The following RBFOX1 variants were observed in gnomAD, a reference collection of about 807,000 sequenced individuals.
RBFOX1 encodes the protein RNA binding fox-1 homolog 1, also known as RNA binding protein fox-1 homolog 1.
RBFOX1 carries 8 observed loss-of-function variants against 57.7 expected under a neutral mutation model. The observed-to-expected ratio is 0.14, with a 90% CI of 0.08 to 0.25. The LOEUF (loss-of-function observed/expected upper bound fraction) is 0.25. RBFOX1 is among the 10% of genes least tolerant of loss of function. The pLI is 1.00. For missense variants in RBFOX1, 611 were observed against 548.5 expected, an observed-to-expected ratio of 1.11 and a Z score of -1.14; for synonymous variants, 326 against 222.4, an observed-to-expected ratio of 1.47 and a Z score of -4.15.
At chr16:5,709,858 T>A (rs1394604152) in intron 3 of RBFOX1, among the ~76,000 whole-genome samples, 808 of 54,792 alleles carry the variant, frequency 0.015, 22 homozygotes, top group African/African-American at 0.028. Flanking sequence ...TTTTTTTTTT[T>A]TTTTTTTTTT....
intron 4 of RBFOX1, among the ~76,000 whole-genome samples, chr16:7,394,802 C>A (rs976774359): frequency 6.6e-6 from 1 of 152,162 alleles, no homozygotes; most frequent in Admixed American, 6.5e-5. Context: ...GATCAGATCG[C>A]TGCTGCAGAC....
At chr16:6,939,397 G>A (rs537945223) in intron 3 of RBFOX1, among the ~76,000 whole-genome samples, 1 of 151,700 alleles carries the variant, frequency 6.6e-6, no homozygotes, top group South Asian at 2.1e-4. Flanking sequence ...GTGTGTGTGT[G>A]TGTGTATATA....
At chr16:6,407,247 C>G (rs553047887) in intron 2 of RBFOX1, among the ~76,000 whole-genome samples, 1 of 152,144 alleles carries the variant, frequency 6.6e-6, no homozygotes, top group African/African-American at 2.4e-5. Context: ...GTACCTTTAT[C>G]TATATATATG....
intron 4 of RBFOX1, among the ~76,000 whole-genome samples, chr16:7,371,510 G>T (rs1411420018): frequency 6.6e-6 from 1 of 152,206 alleles, no homozygotes; most frequent in African/African-American, 2.4e-5. Context: ...AGAACTCTGG[G>T]AGGATGAGGC....
At chr16:6,659,799 G>C (rs1401040130) in intron 3 of RBFOX1, among the ~76,000 whole-genome samples, 1 of 152,158 alleles carries the variant, frequency 6.6e-6, no homozygotes, top group African/African-American at 2.4e-5. Flanking sequence ...GGGGTGGTCA[G>C]ATGTCTTCTG....
chr16:7,118,521 C>T (rs928717158), intron 4 of RBFOX1, among the ~76,000 whole-genome samples: 9 of 152,108 alleles, frequency 5.9e-5, no homozygotes, highest in Admixed American at 2.6e-4. Context: ...CCAAGCCTTC[C>T]CCACTATACA....
rs186671658 is a variant in RBFOX1 at position 7,085,425 on chromosome 16, T to C, written c.27+33327T>C. On this transcript the variant is annotated intron_variant, in intron 4 of 15. Transcript: ENST00000550418. ...TTTTTAAATATTGGCAAATAAGTTA[T>C]GTTTCAAAAAAGTATCGATATATTG... 2.0e-3 allele frequency among the ~76,000 whole-genome samples: 297 copies of C among 152,290 alleles called. 1 individual carries two copies. Among genetic ancestry groups the C allele is most frequent in the Middle Eastern group, 6.8e-3 (2 of 294 alleles).
chr16:5,461,520 A>T (rs566559365), intron 1 of RBFOX1, among the ~76,000 whole-genome samples: 7 of 152,300 alleles, frequency 4.6e-5, no homozygotes, highest in African/African-American at 7.2e-5. Context: ...TGAAAGTTTC[A>T]TGCAGTTTTT....
At chr16:5,597,938 G>A (rs1168774073) in intron 2 of RBFOX1, among the ~76,000 whole-genome samples, 2 of 152,194 alleles carry the variant, frequency 1.3e-5, no homozygotes, top group Admixed American at 6.5e-5. Flanking sequence ...TCACCTGTGA[G>A]ACGGGGCTGA....
intron 4 of RBFOX1, among the ~76,000 whole-genome samples, chr16:7,363,200 G>T (rs2097363740): frequency 6.6e-6 from 1 of 152,158 alleles, no homozygotes; most frequent in Non-Finnish European, 1.5e-5. Flanking sequence ...ATTGCCGTCA[G>T]CCTCCATCCT....
intron 2 of RBFOX1, among the ~76,000 whole-genome samples, chr16:5,590,278 T>C (rs2151180695): frequency 6.6e-6 from 1 of 152,322 alleles, no homozygotes; most frequent in Middle Eastern, 3.4e-3. Context: ...CTCACTTGCA[T>C]TGATTTCTTT....
At chr16:6,966,712 C>A (rs1395499108) in intron 3 of RBFOX1, among the ~76,000 whole-genome samples, 1 of 152,084 alleles carries the variant, frequency 6.6e-6, no homozygotes, top group Non-Finnish European at 1.5e-5. Context: ...CTAAATTACA[C>A]CTGTGATGAG....
chr16:6,295,744 G>A lies in RBFOX1; in HGVS notation c.-126-21251G>A, dbSNP rs543774240. Among the ~76,000 whole-genome samples, 3 of 152,284 alleles carry A rather than the reference G, an allele frequency of 2.0e-5. No individual in the cohort carries two copies. In the South Asian group the frequency reaches 6.2e-4, roughly 32 times the overall value. ...CTGTCCTCTTTCCTGAAATGAGGAGGGGACAGGGGCAATGGCTCAGGAGGA... is the reference window on the plus strand; with the variant it reads ...CTGTCCTCTTTCCTGAAATGAGGAGAGGACAGGGGCAATGGCTCAGGAGGA... On this transcript the variant is annotated intron_variant, in intron 1 of 15. Coordinates refer to ENST00000550418, the MANE Select transcript of RBFOX1 (RefSeq NM_018723.4).
chr16:7,405,956 G>A (rs575857661), intron 4 of RBFOX1, among the ~76,000 whole-genome samples: 5 of 152,142 alleles, frequency 3.3e-5, no homozygotes, highest in Non-Finnish European at 7.3e-5. Context: ...GTTGAGGGAT[G>A]CAACTGACAT....
chr16:5,660,175 G>A (rs1391035823), intron 3 of RBFOX1, among the ~76,000 whole-genome samples: 2 of 152,146 alleles, frequency 1.3e-5, no homozygotes, highest in African/African-American at 2.4e-5. Flanking sequence ...CCTGGAGTGT[G>A]GAGGTCAGGG....
chr16:6,801,920 C>T (rs1342266196), intron 3 of RBFOX1, among the ~76,000 whole-genome samples: 3 of 152,102 alleles, frequency 2.0e-5, no homozygotes, highest in Non-Finnish European at 2.9e-5. Context: ...TGAGGACCTT[C>T]ATCTGGACCT....
intron 3 of RBFOX1, among the ~76,000 whole-genome samples, chr16:5,789,605 G>A (rs557832265): frequency 2.2e-4 from 34 of 152,228 alleles, no homozygotes; most frequent in South Asian, 4.1e-4. Context: ...GCTTATTATT[G>A]TTCTCTTTTG....
At chr16:7,402,596 T>A (rs2098263641) in intron 4 of RBFOX1, among the ~76,000 whole-genome samples, 2 of 152,162 alleles carry the variant, frequency 1.3e-5, no homozygotes, top group African/African-American at 4.8e-5. Flanking sequence ...GGTTTCCAGA[T>A]CCTTATGCAT....
chr16:7,701,932 AG>A (rs1379549595), intron 14 of RBFOX1, among the ~76,000 whole-genome samples: 1 of 152,228 alleles, frequency 6.6e-6, no homozygotes, highest in Non-Finnish European at 1.5e-5. Flanking sequence ...GCAGCAAACC[AG>A]GGTGCATGGC....
Sources: allele counts gnomAD v4.1 joint callset (sites outside exome capture counted in the v4.1 genomes callset), GRCh38; gene constraint gnomAD v4.1.1; transcripts MANE v1.5; gene names NCBI Gene and HGNC (gene_info 2026-07-23, HGNC 2026-07-21).